Variants in SEMA6D observed in about 807,000 individuals in gnomAD.
The protein encoded by SEMA6D is semaphorin-6D.
A neutral mutation model predicts 106.6 loss-of-function variants in SEMA6D; 35 were observed. That is an observed-to-expected ratio of 0.33 (90% CI 0.25 to 0.44). SEMA6D has a LOEUF of 0.44. Among genes scored for constraint, SEMA6D ranks in the 20% least tolerant of loss-of-function variants. The pLI is 1.00. For missense variants in SEMA6D, 1,185 were observed against 1,345.9 expected, an observed-to-expected ratio of 0.88 and a Z score of 1.87; for synonymous variants, 499 against 487.7, an observed-to-expected ratio of 1.02 and a Z score of -0.31.
chr15:47,710,273 GAC>G (rs1242580261), intron 4 of SEMA6D, among the ~76,000 whole-genome samples: 1 of 152,076 alleles, frequency 6.6e-6, no homozygotes, highest in Non-Finnish European at 1.5e-5. Context: ...ATTTTAATAT[GAC>G]AGTTACTGAG....
chr15:47,680,120 G>T (rs1226596137), intron 4 of SEMA6D, among the ~76,000 whole-genome samples: 1 of 152,078 alleles, frequency 6.6e-6, no homozygotes, highest in Non-Finnish European at 1.5e-5. Context: ...GCTGTCCAGG[G>T]TAAGATTAGG....
chr15:47,666,239 G>A (rs2078024116), intron 4 of SEMA6D, among the ~76,000 whole-genome samples: 1 of 152,158 alleles, frequency 6.6e-6, no homozygotes. Context: ...CATAAGAGGC[G>A]GTGAAAAGAA....
chr15:47,708,449 C>T (rs999414457), intron 4 of SEMA6D, among the ~76,000 whole-genome samples: 29 of 152,322 alleles, frequency 1.9e-4, no homozygotes, highest in Non-Finnish European at 3.7e-4. Context: ...CATCATGAAG[C>T]TTTTACAACC....
intron 4 of SEMA6D, among the ~76,000 whole-genome samples, chr15:47,674,395 T>G (rs1458896858): frequency 6.6e-6 from 1 of 152,232 alleles, no homozygotes. Context: ...GGGGCCATTT[T>G]AAACCCTTGT....
intron 1 of SEMA6D, among the ~76,000 whole-genome samples, chr15:47,344,800 T>G (rs2037977549): frequency 1.3e-5 from 2 of 152,316 alleles, no homozygotes; most frequent in Non-Finnish European, 1.5e-5. Context: ...CATAAATATC[T>G]ATGTAGAAAA....
In SEMA6D at chr15:47,770,824, C is replaced by A. The variant is rs2082590392; in HGVS notation, c.2261C>A (p.Thr754Asn). 6.2e-7 allele frequency: 1 copy of A among 1,613,972 alleles called. No individual in the cohort carries two copies. Among genetic ancestry groups the A allele is most frequent in the African/African-American group, 1.3e-5 (1 of 75,024 alleles). ...SRKELPPNGD[T>N]KSMVMDHRGQ... ...AAAGAGCTACCACCCAATGGAGATA[C>A]TAAATCCATGGTAATGGACCATCGA... Residue 754 changes from threonine (T) to asparagine (N), a missense_variant, in exon 19 of 19, where the codon ACT becomes AAT. Physicochemically the swap from Thr to Asn is moderately conservative, Grantham distance 65. Around this residue, in one of 3 missense-constraint regions of SEMA6D, gnomAD observed 750 missense variants for 783.5 expected, o/e 0.96. Transcript: ENST00000536845.
intron 2 of SEMA6D, among the ~76,000 whole-genome samples, chr15:47,443,940 A>G (rs1364962148): frequency 6.6e-6 from 1 of 152,134 alleles, no homozygotes; most frequent in Non-Finnish European, 1.5e-5. Context: ...AATAAGTGCA[A>G]AGGTTGCTAA....
At chr15:47,651,973 C>T (rs926019569) in intron 4 of SEMA6D, among the ~76,000 whole-genome samples, 2 of 152,128 alleles carry the variant, frequency 1.3e-5, no homozygotes, top group African/African-American at 4.8e-5. Context: ...TCAAAAATGG[C>T]CTGCTTAAAA....
At chr15:47,256,418 G>A (rs2033805526) in intron 1 of SEMA6D, among the ~76,000 whole-genome samples, 1 of 152,134 alleles carries the variant, frequency 6.6e-6, no homozygotes, top group Non-Finnish European at 1.5e-5. Context: ...TCGCATAACA[G>A]TTTTGTTAAG....
Position 47,706,293 on chromosome 15 carries a change from T to TA in SEMA6D, c.-54-53448dup, listed in dbSNP as rs2078910773. ...AATTACAGTTTTAATGAAGTCAGTT[T>TA]AAAAGATGAGGAAAAAATCCTTTGT... is the stretch of plus-strand genomic sequence containing the variant. On this transcript the variant is annotated intron_variant, in intron 4 of 19. Transcript: ENST00000558014. 2.6e-5 allele frequency among the ~76,000 whole-genome samples: 4 copies of TA among 152,348 alleles called. No individual in the cohort carries two copies. In the South Asian group the frequency reaches 8.3e-4, roughly 32 times the overall value.
intron 1 of SEMA6D, among the ~76,000 whole-genome samples, chr15:47,232,782 A>G (rs2032291348): frequency 6.6e-6 from 1 of 151,796 alleles, no homozygotes; most frequent in Non-Finnish European, 1.5e-5. Context: ...TAAGGTTTTT[A>G]GTGTGATTAT....
At chr15:47,576,613 G>A (rs2076160557) in intron 3 of SEMA6D, among the ~76,000 whole-genome samples, 1 of 152,132 alleles carries the variant, frequency 6.6e-6, no homozygotes, top group South Asian at 2.1e-4. Context: ...TCATTCTGCT[G>A]GCAAATCTAG....
chr15:47,650,716 C>G (rs2077671940), intron 4 of SEMA6D, among the ~76,000 whole-genome samples: 1 of 152,100 alleles, frequency 6.6e-6, no homozygotes. Context: ...AGAGATGAAG[C>G]AATTCACGAA....
intron 1 of SEMA6D, among the ~76,000 whole-genome samples, chr15:47,408,865 C>T (rs1326622022): frequency 6.6e-6 from 1 of 152,212 alleles, no homozygotes; most frequent in East Asian, 1.9e-4. Flanking sequence ...CTTCTCCCTC[C>T]ATTCCAAAGC....
At chr15:47,207,991 GCGCACACACACACA>G (rs1280132941) in intron 1 of SEMA6D, among the ~76,000 whole-genome samples, 4,517 of 122,942 alleles carry the variant, frequency 0.037, 201 homozygotes, top group African/African-American at 0.065. Context: ...ACTGGCGCGC[GCGCACACACACACA>G]CACACACACA....
chr15:47,730,724 T>C, intron 1 of SEMA6D: 3 of 1,604,910 alleles, frequency 1.9e-6, no homozygotes, highest in Non-Finnish European at 1.7e-6. Flanking sequence ...TTCAGCCGCT[T>C]ATAGAGTATA....
chr15:47,257,777 T>C (rs527305013), intron 1 of SEMA6D, among the ~76,000 whole-genome samples: 1 of 152,302 alleles, frequency 6.6e-6, no homozygotes, highest in South Asian at 2.1e-4. Context: ...TGGATTGTTC[T>C]ATATATGTCA....
intron 4 of SEMA6D, among the ~76,000 whole-genome samples, chr15:47,658,692 G>A (rs534684518): frequency 3.3e-5 from 5 of 152,146 alleles, no homozygotes; most frequent in South Asian, 4.2e-4. Flanking sequence ...ATCTTACATA[G>A]CAATTGTTCA....
intron 1 of SEMA6D, among the ~76,000 whole-genome samples, chr15:47,217,594 T>TGTGTG: frequency 6.7e-6 from 1 of 149,932 alleles, no homozygotes; most frequent in South Asian, 2.2e-4. Context: ...TGTGTGTGTG[T>TGTGTG]TTAATCCTCT....
Sources: allele counts gnomAD v4.1 joint callset (sites outside exome capture counted in the v4.1 genomes callset), GRCh38; gene constraint gnomAD v4.1.1; regional missense constraint gnomAD v4.1.1; transcripts MANE v1.5; gene names NCBI Gene and HGNC (gene_info 2026-07-23, HGNC 2026-07-21).